Variants in SUMF1 observed in about 807,000 individuals in gnomAD.
SUMF1 encodes the protein sulfatase modifying factor 1, also known as formylglycine-generating enzyme.
A neutral mutation model predicts 47.6 loss-of-function variants in SUMF1; 48 were observed. That is an observed-to-expected ratio of 1.01 (90% CI 0.80 to 1.28). The LOEUF is 1.28. Among genes scored for constraint, SUMF1 ranks in the 50% most tolerant of loss-of-function variants. The pLI, the probability that SUMF1 is intolerant of heterozygous loss-of-function variation, is 0.00. For synonymous variants in SUMF1, 230 were observed against 192.1 expected, an observed-to-expected ratio of 1.20 and a Z score of -1.63; for missense variants, 571 against 485.4, an observed-to-expected ratio of 1.18 and a Z score of -1.66.
chr3:4,261,808 C>G (rs1009353924), intron 8 of SUMF1, among the ~76,000 whole-genome samples: 2 of 152,188 alleles, frequency 1.3e-5, no homozygotes, highest in Middle Eastern at 3.2e-3. Flanking sequence ...AAAGGCCCCA[C>G]AACTAGTGCC....
chr3:4,415,077 G>C (rs1190364021), intron 6 of SUMF1: 2 of 151,864 alleles, frequency 1.3e-5, no homozygotes, highest in Non-Finnish European at 2.9e-5. Context: ...AAATACAAAA[G>C]TTAGTCAGAT....
rs80002699 is a variant in SUMF1 at position 4,068,789 on chromosome 3, T to C, written c.1015-44A>G. 5.2e-3 allele frequency: 1,447 copies of C among 279,310 alleles called. 18 individuals carry two copies. The highest frequency in any genetic ancestry group is 0.03 in the African/African-American group (1,354 of 45,114). 17.3% of individuals were successfully genotyped at this position (279,310 alleles called of 1,614,324 possible). On this transcript the variant is annotated intron_variant and NMD_transcript_variant, in intron 8 of 12. Transcript: ENST00000448413. ...AGAAGAAGAAGAAATAATAATAACATGAATAGGTAATATTTATTTATTTGT... is the reference window on the plus strand; with the variant it reads ...AGAAGAAGAAGAAATAATAATAACACGAATAGGTAATATTTATTTATTTGT...
intron 9 of SUMF1, among the ~76,000 whole-genome samples, chr3:4,056,488 G>A (rs1055798217): frequency 3.9e-4 from 60 of 151,976 alleles, no homozygotes; most frequent in Admixed American, 2.0e-4. Context: ...AGCCTGGGCC[G>A]CATAGTGAGA....
At chr3:4,295,986 C>T (rs1275422088) in intron 8 of SUMF1, among the ~76,000 whole-genome samples, 2 of 151,940 alleles carry the variant, frequency 1.3e-5, no homozygotes, top group African/African-American at 4.8e-5. Flanking sequence ...AGTCTAAACA[C>T]AAAAATGTAA....
At chr3:4,144,404 A>G (rs1205841454) in intron 8 of SUMF1, among the ~76,000 whole-genome samples, 2 of 152,146 alleles carry the variant, frequency 1.3e-5, no homozygotes. Context: ...AAGGCAGAAA[A>G]CAATGTGAAG....
chr3:4,326,081 C>T (rs1465420764), intron 8 of SUMF1, among the ~76,000 whole-genome samples: 1 of 152,182 alleles, frequency 6.6e-6, no homozygotes, highest in Non-Finnish European at 1.5e-5. Flanking sequence ...TTTGGCCTCC[C>T]AAAGTGCTGG....
intron 8 of SUMF1, among the ~76,000 whole-genome samples, chr3:4,247,817 T>C (rs928375220): frequency 1.3e-5 from 2 of 152,128 alleles, no homozygotes; most frequent in Non-Finnish European, 2.9e-5. Context: ...GCAACCAAGA[T>C]TTCGATGAAG....
At chr3:4,384,291 A>G (rs868201131) in intron 7 of SUMF1, among the ~76,000 whole-genome samples, 4 of 152,216 alleles carry the variant, frequency 2.6e-5, no homozygotes, top group Non-Finnish European at 5.9e-5. Flanking sequence ...GTTGATTCAC[A>G]TGAAGCTGTA....
chr3:4,085,227 T>C (rs1055063164), intron 8 of SUMF1, among the ~76,000 whole-genome samples: 3 of 152,096 alleles, frequency 2.0e-5, no homozygotes, highest in African/African-American at 4.8e-5. Flanking sequence ...GGATAAAATA[T>C]ATGTGGCTGG....
intron 1 of SUMF1, among the ~76,000 whole-genome samples, chr3:4,456,935 CGTGTGTGT>C (rs1559312998): frequency 3.8e-4 from 22 of 58,212 alleles, no homozygotes; most frequent in African/African-American, 1.3e-3. Context: ...TATATATATA[CGTGTGTGT>C]ACATATATAC....
At chr3:4,330,864 T>C (rs991705332) in intron 8 of SUMF1, among the ~76,000 whole-genome samples, 1 of 152,208 alleles carries the variant, frequency 6.6e-6, no homozygotes, top group Non-Finnish European at 1.5e-5. Context: ...TCAATCAGTT[T>C]GATCACAAAG....
At chr3:4,129,957 A>T (rs760914168) in intron 8 of SUMF1, among the ~76,000 whole-genome samples, 1 of 152,120 alleles carries the variant, frequency 6.6e-6, no homozygotes, top group Non-Finnish European at 1.5e-5. Context: ...CCTGTCTGGT[A>T]GGGTGAGGGC....
At chr3:4,243,310 G>T (rs1235013737) in intron 8 of SUMF1, among the ~76,000 whole-genome samples, 1 of 152,074 alleles carries the variant, frequency 6.6e-6, no homozygotes, top group African/African-American at 2.4e-5. Context: ...GCTAGCTTTT[G>T]AATTTGTTTG....
At chr3:4,133,491 G>A (rs1478981204) in intron 8 of SUMF1, among the ~76,000 whole-genome samples, 1 of 152,096 alleles carries the variant, frequency 6.6e-6, no homozygotes, top group Non-Finnish European at 1.5e-5. Flanking sequence ...GTCTGTGAGG[G>A]TGTTGCTGAA....
chr3:4,132,658 C>T (rs1015514477), intron 8 of SUMF1, among the ~76,000 whole-genome samples: 5 of 152,040 alleles, frequency 3.3e-5, no homozygotes, highest in Non-Finnish European at 4.4e-5. Context: ...GGAACGCTGC[C>T]ACCAGGAGAC....
chr3:4,151,431 GTGTATATA>G (rs1197217005), intron 8 of SUMF1, among the ~76,000 whole-genome samples: 4 of 138,336 alleles, frequency 2.9e-5, no homozygotes, highest in Non-Finnish European at 6.2e-5. Flanking sequence ...GTGTATACAT[GTGTATATA>G]TGTATATATG....
intron 8 of SUMF1, among the ~76,000 whole-genome samples, chr3:4,176,446 T>A (rs1053563667): frequency 6.6e-6 from 1 of 152,122 alleles, no homozygotes; most frequent in African/African-American, 2.4e-5. Flanking sequence ...CTAAGCTTCA[T>A]AATTGAAGGA....
At chr3:4,208,231 G>A (rs1435087980) in intron 8 of SUMF1, among the ~76,000 whole-genome samples, 2 of 151,986 alleles carry the variant, frequency 1.3e-5, no homozygotes, top group Non-Finnish European at 2.9e-5. Flanking sequence ...CCCAACTCCA[G>A]CCCCCTCTAG....
chr3:4,284,109 C>T (rs952780412), intron 8 of SUMF1, among the ~76,000 whole-genome samples: 4 of 151,954 alleles, frequency 2.6e-5, no homozygotes, highest in Non-Finnish European at 4.4e-5. Flanking sequence ...GCTAAGAACG[C>T]GAAGTGCTAA....
Sources: gnomAD v4.1 joint callset for allele counts (sites outside exome capture counted in the v4.1 genomes callset) on GRCh38, gnomAD v4.1.1 for gene constraint, MANE v1.5 for transcripts, NCBI Gene and HGNC (gene_info 2026-07-23, HGNC 2026-07-21) for gene names.